Variants in TRIM5 observed in about 807,000 individuals in gnomAD.
TRIM5 encodes the protein tripartite motif containing 5.
A neutral mutation model predicts 35.6 loss-of-function variants in TRIM5; 31 were observed. The ratio of observed to expected loss-of-function variants is 0.87; its 90% CI spans 0.65 to 1.18. The LOEUF (loss-of-function observed/expected upper bound fraction) is 1.18. Among genes scored for constraint, TRIM5 ranks in the 50% most tolerant of loss-of-function variants. The probability of loss-of-function intolerance (pLI) is 0.00; values close to 1 mark genes in which losing one functional copy is unlikely to be tolerated. For synonymous variants in TRIM5, 243 were observed against 215.6 expected (o/e 1.13, Z -1.11); for missense variants, 609 against 591.6 (o/e 1.03, Z -0.31).
intron 4 of TRIM5, among the ~76,000 whole-genome samples, chr11:5,668,137 G>GGT (rs1342893710): frequency 6.6e-6 from 1 of 152,122 alleles, no homozygotes; most frequent in African/African-American, 2.4e-5. Context: ...AGCCAAGCAT[G>GGT]GTGGCATGAG....
chr11:5,590,398 C>G, the TRIM5 span: 1 of 152,624 alleles, frequency 6.6e-6, no homozygotes, highest in Non-Finnish European at 1.5e-5. Context: ...TGTAAATACA[C>G]CAATCGGCAC....
At chr11:5,627,411 G>C in the TRIM5 span, among the ~76,000 whole-genome samples, 1 of 152,106 alleles carries the variant, frequency 6.6e-6, no homozygotes, top group Non-Finnish European at 1.5e-5. Context: ...GATAGTATCA[G>C]CAAGACTAGT....
chr11:5,588,893 C>T, the TRIM5 span: 1 of 151,982 alleles, frequency 6.6e-6, no homozygotes, highest in Non-Finnish European at 1.5e-5. Context: ...AAGTGATTCT[C>T]CTGCCTCAGC....
the TRIM5 span, among the ~76,000 whole-genome samples, chr11:5,655,208 A>G: frequency 2.0e-5 from 3 of 151,590 alleles, no homozygotes; most frequent in Non-Finnish European, 2.9e-5. Flanking sequence ...AAAAAAAAAA[A>G]GGAAATGGCC....
chr11:5,641,899 A>G, the TRIM5 span, among the ~76,000 whole-genome samples: 1 of 152,128 alleles, frequency 6.6e-6, no homozygotes, highest in Admixed American at 6.5e-5. Flanking sequence ...CTGAAATCTC[A>G]AATATGCGCC....
chr11:5,678,108 A>T (rs539454529), intron 4 of TRIM5, 96 bp downstream of exon 4: 136 of 1,062,896 alleles, frequency 1.3e-4, no homozygotes, highest in Non-Finnish European at 1.8e-4. Flanking sequence ...CCTGCAGAGA[A>T]CATTGTTAAT....
At chr11:5,666,357 C>T in intron 5 of TRIM5, 1 of 392,438 alleles carries the variant, frequency 2.5e-6, no homozygotes, top group East Asian at 4.8e-5. Context: ...TCCCTGTCTA[C>T]ATTCTTAAAC....
At chr11:5,604,509 C>G in the TRIM5 span, 1 of 1,604,406 alleles carries the variant, frequency 6.2e-7, no homozygotes, top group South Asian at 1.1e-5. Context: ...CTTGATCCTG[C>G]TTGACCTGAT....
At chr11:5,651,173 T>C in the TRIM5 span, among the ~76,000 whole-genome samples, 1 of 152,212 alleles carries the variant, frequency 6.6e-6, no homozygotes, top group Non-Finnish European at 1.5e-5. Context: ...CAATTTCCTT[T>C]TCACTTTAAA....
the TRIM5 span, among the ~76,000 whole-genome samples, chr11:5,646,209 A>C: frequency 2.6e-5 from 4 of 151,876 alleles, no homozygotes; most frequent in Admixed American, 6.6e-5. Flanking sequence ...CTTTTTTGGA[A>C]ATATCATTTT....
chr11:5,679,196 C>A, intron 2 of TRIM5, 27 bp from the exon 3 acceptor site: 1 of 1,599,138 alleles, frequency 6.3e-7, no homozygotes, highest in South Asian at 1.1e-5. Context: ...ACACCATAGT[C>A]AAGCTATGAG....
At chr11:5,618,653 T>C in the TRIM5 span, among the ~76,000 whole-genome samples, 2 of 152,194 alleles carry the variant, frequency 1.3e-5, no homozygotes, top group Non-Finnish European at 2.9e-5. Flanking sequence ...ACCTAGATGA[T>C]AAACTGTATA....
the TRIM5 span, chr11:5,588,947 C>A: frequency 6.6e-6 from 1 of 152,000 alleles, no homozygotes; most frequent in Admixed American, 6.6e-5. Context: ...CCACACCTGG[C>A]TAATTTTTTT....
At chr11:5,608,847 ATTT>A in the TRIM5 span, among the ~76,000 whole-genome samples, 6 of 101,886 alleles carry the variant, frequency 5.9e-5, no homozygotes, top group South Asian at 3.9e-4. Context: ...TTGCCCATAA[ATTT>A]TTTTTTTTTT....
At chr11:5,641,335 A>G in the TRIM5 span, 4 of 1,530,948 alleles carry the variant, frequency 2.6e-6, no homozygotes, top group Non-Finnish European at 3.5e-6. Flanking sequence ...CTGGTCCCCG[A>G]TGAGTATTTG....
At position 5,679,115 on chromosome 11, in the gene TRIM5, C is replaced by A. The variant is rs765271659; in HGVS notation, c.472G>T (p.Glu158Ter). The change falls in exon 3 of 8, where the codon GAG becomes TAG. Residue 158 changes from glutamate (E) to a stop codon, truncating the protein, a stop_gained. Transcript: ENST00000380034. LOFTEE classifies it high-confidence loss of function. ...MLRQKQQEAE[E>*]LEADIREEKA... is the part of the protein sequence containing the mutation. Reference sequence around the variant, plus strand: ...TCTTCTCTGATGTCAGCTTCTAACTCTTCAGCTTCCTGCTGCTTCTGCCTC... The same window carrying A: ...TCTTCTCTGATGTCAGCTTCTAACTATTCAGCTTCCTGCTGCTTCTGCCTC... 4.3e-6 allele frequency: 7 copies of A among 1,614,014 alleles called. No homozygotes were observed. The highest frequency in any genetic ancestry group is 2.7e-5 in the African/African-American group (2 of 74,932).
At position 5,680,648 on chromosome 11, in the gene TRIM5, A is replaced by G. The variant is rs1194451293; in HGVS notation, c.-61-410T>C. Among the ~76,000 whole-genome samples, 3 of 152,208 alleles carry G rather than the reference A, an allele frequency of 2.0e-5. No homozygotes were observed. The South Asian group carries it at 6.2e-4, about 32-fold the overall frequency. ...CTTTCACATTTGCTCTTCTCTCAGC[A>G]TGAAATGTTTCTCTGATGTTAGTAC... On this transcript the variant is annotated intron_variant, in intron 1 of 7. Coordinates refer to ENST00000380034, the MANE Select transcript of TRIM5 (RefSeq NM_033034.3).
At chr11:5,667,127 A>G (rs1388370013) in intron 5 of TRIM5, among the ~76,000 whole-genome samples, 1 of 152,048 alleles carries the variant, frequency 6.6e-6, no homozygotes, top group Non-Finnish European at 1.5e-5. Flanking sequence ...ACCACTACTG[A>G]CCCACACTCC....
the TRIM5 span, among the ~76,000 whole-genome samples, chr11:5,645,148 T>C: frequency 6.6e-6 from 1 of 152,280 alleles, no homozygotes; most frequent in South Asian, 2.1e-4. Flanking sequence ...AGCCAGCACT[T>C]TGGGAGGCCG....
Sources: gnomAD v4.1 joint callset for allele counts (sites outside exome capture counted in the v4.1 genomes callset) on GRCh38, gnomAD v4.1.1 for gene constraint, MANE v1.5 for transcripts, NCBI Gene and HGNC (gene_info 2026-07-23, HGNC 2026-07-21) for gene names.